SPTLC3: variants seen among roughly 807,000 people sequenced by gnomAD.
SPTLC3 encodes serine palmitoyltransferase 3.
SPTLC3 carries 36 observed loss-of-function variants against 59.3 expected under a neutral mutation model. That is an observed-to-expected ratio of 0.61 (90% CI 0.47 to 0.80). The LOEUF is 0.80. Among genes scored for constraint, SPTLC3 ranks in the 30% least tolerant of loss-of-function variants. The probability of loss-of-function intolerance (pLI) is 0.00; values close to 1 mark genes in which losing one functional copy is unlikely to be tolerated. For synonymous variants in SPTLC3, 257 were observed against 240.8 expected (o/e 1.07, Z -0.62); for missense variants, 625 against 685.1 (o/e 0.91, Z 0.98).
At chr20:13,020,937 T>C (rs542936421) in intron 1 of SPTLC3, among the ~76,000 whole-genome samples, 1 of 152,278 alleles carries the variant, frequency 6.6e-6, no homozygotes, top group East Asian at 1.9e-4. Context: ...ATGATTATTA[T>C]CTATTAACAT....
At chr20:13,009,471 A>G (rs565069959) in intron 1 of SPTLC3, 87 bp downstream of exon 1, 1 of 1,216,502 alleles carries the variant, frequency 8.2e-7, no homozygotes, top group East Asian at 2.3e-5. Flanking sequence ...GTCCTAACTT[A>G]GAGTTCATCT....
At chr20:13,093,702 A>G in intron 6 of SPTLC3, 125 bp downstream of exon 6, 1 of 783,524 alleles carries the variant, frequency 1.3e-6, no homozygotes, top group East Asian at 2.8e-5. Context: ...AATTATGTTT[A>G]TATTCACTCC....
At chr20:13,136,711 A>T (rs554256516) in intron 9 of SPTLC3, among the ~76,000 whole-genome samples, 2 of 147,526 alleles carry the variant, frequency 1.4e-5, no homozygotes, top group African/African-American at 2.5e-5. Context: ...ATATATATTT[A>T]TATATAATAT....
At chr20:13,138,481 C>T (rs1244115987) in intron 9 of SPTLC3, among the ~76,000 whole-genome samples, 1 of 152,290 alleles carries the variant, frequency 6.6e-6, no homozygotes, top group Non-Finnish European at 1.5e-5. Context: ...TAGTCACACA[C>T]ACCCCTAACC....
intron 2 of SPTLC3, among the ~76,000 whole-genome samples, chr20:13,056,348 A>C (rs1214396578): frequency 6.6e-6 from 1 of 152,094 alleles, no homozygotes; most frequent in Non-Finnish European, 1.5e-5. Context: ...GTCCCGTTAG[A>C]GACTTACAGC....
chr20:13,031,599 T>C (rs1267406416), intron 1 of SPTLC3, among the ~76,000 whole-genome samples: 1 of 152,178 alleles, frequency 6.6e-6, no homozygotes, highest in Non-Finnish European at 1.5e-5. Flanking sequence ...AAGGTTCTAT[T>C]TTTGTTCTAT....
chr20:13,050,006 G>A (rs1490988160), intron 2 of SPTLC3: 2 of 152,066 alleles, frequency 1.3e-5, no homozygotes, highest in African/African-American at 4.8e-5. Context: ...ACCAACCTTG[G>A]TAATATGACA....
chr20:13,110,136 T>A lies in SPTLC3; in HGVS notation c.851T>A (p.Leu284Gln). 6.2e-7 allele frequency: 1 copy of A among 1,613,420 alleles called. No homozygotes were observed. The highest frequency in any genetic ancestry group is 8.5e-7 in the Non-Finnish European group (1 of 1,179,668). ...GACACACAAAGCCTAGAGAAGCTCC[T>A]GAGAGATGCTGTCATCTATGGCCAG... is the stretch of plus-strand genomic sequence containing the variant. ...HNNTQSLEKLLRDAVIYGQPR... is the reference protein window; with the variant it reads ...HNNTQSLEKLQRDAVIYGQPR... Residue 284 changes from leucine to glutamine, a missense_variant, in exon 7 of 12, where the codon CTG becomes CAG. Physicochemically the swap from Leu to Gln is moderately radical, Grantham distance 113. Coordinates refer to ENST00000399002, the MANE Select transcript of SPTLC3 (RefSeq NM_018327.4).
chr20:13,077,245 G>A (rs243891), intron 4 of SPTLC3, among the ~76,000 whole-genome samples: 117,225 of 150,528 alleles, frequency 0.78, 46,142 homozygotes, highest in African/African-American at 0.88. Context: ...AAAACTATAA[G>A]TTACTATTAC....
intron 4 of SPTLC3, among the ~76,000 whole-genome samples, chr20:13,088,531 G>A (rs914932844): frequency 7.2e-5 from 11 of 151,918 alleles, no homozygotes. Context: ...CACCGTGTTA[G>A]CCAGGATGGT....
chr20:13,076,638 A>G (rs3848769), intron 4 of SPTLC3, among the ~76,000 whole-genome samples: 41,730 of 151,976 alleles, frequency 0.27, 5,875 homozygotes, highest in Middle Eastern at 0.35. Context: ...AATGTACCTA[A>G]AACAGATTTG....
intron 2 of SPTLC3, chr20:13,049,980 G>C (rs1987410886): frequency 6.6e-6 from 1 of 152,174 alleles, no homozygotes; most frequent in South Asian, 2.1e-4. Flanking sequence ...TTTCCCAAAT[G>C]AGAAGGAACC....
At chr20:13,098,074 C>T (rs534271496) in intron 6 of SPTLC3, among the ~76,000 whole-genome samples, 14 of 152,194 alleles carry the variant, frequency 9.2e-5, no homozygotes, top group East Asian at 1.9e-4. Flanking sequence ...ATATTTAAAG[C>T]GTCGTATAAA....
Position 13,126,667 on chromosome 20 carries a change from A to G in SPTLC3, c.1229A>G (p.Gln410Arg), listed in dbSNP as rs766865071. The G allele has an allele frequency of 6.2e-7, 1 of 1,614,108 alleles. No individual in the cohort carries two copies. The highest frequency in any genetic ancestry group is 2.2e-5 in the East Asian group (1 of 44,872). The change falls in exon 9 of 12, where the codon CAA becomes CGA. Residue 410 changes from glutamine to arginine, a missense_variant. Coordinates refer to ENST00000399002, the MANE Select transcript of SPTLC3 (RefSeq NM_018327.4). ...ASSMSPPIAE[Q>R]IIRSLKLIMG... ...TCCATGAGCCCACCGATAGCAGAGC[A>G]AATCATCAGATCACTAAAACTTATC...
chr20:13,067,497 C>G (rs1273969960), intron 2 of SPTLC3, among the ~76,000 whole-genome samples: 2 of 152,152 alleles, frequency 1.3e-5, no homozygotes, highest in Admixed American at 6.5e-5. Context: ...TTCTGCATTT[C>G]TGATTCATTG....
chr20:13,032,021 A>G (rs539776144), intron 1 of SPTLC3, among the ~76,000 whole-genome samples: 1 of 152,324 alleles, frequency 6.6e-6, no homozygotes, highest in South Asian at 2.1e-4. Context: ...ATAGCATGTA[A>G]GTAAATAAGA....
At chr20:13,047,931 C>T (rs143345418) in intron 1 of SPTLC3, among the ~76,000 whole-genome samples, 1 of 152,032 alleles carries the variant, frequency 6.6e-6, no homozygotes, top group Admixed American at 6.6e-5. Context: ...AATGCTTTGC[C>T]CCTTAATACT....
chr20:13,168,204 G>C lies in SPTLC3; in HGVS notation c.*3337G>C, dbSNP rs1289049239. On this transcript the variant is annotated 3_prime_UTR_variant, in exon 12 of 12. Transcript: ENST00000399002. ...TCTTTTTTTTTTTTTTTTTGAGACA[G>C]AGTTTTGTTCTTCTTGTTGCCCAGG... The C allele has an allele frequency of 1.4e-5, 2 of 145,040 alleles. No individual in the cohort carries two copies. Among genetic ancestry groups the C allele is most frequent in the Non-Finnish European group, 3.0e-5 (2 of 66,484 alleles). The allele number at this position is 145,040 out of a possible 1,614,324, so 9.0% of individuals were successfully genotyped here. A position where few individuals can be genotyped will look rare whatever the true frequency, so the allele number is the denominator to read the frequency against.
intron 1 of SPTLC3, among the ~76,000 whole-genome samples, chr20:13,044,393 C>T (rs535261816): frequency 2.2e-4 from 34 of 152,244 alleles, no homozygotes; most frequent in African/African-American, 7.9e-4. Context: ...TGAGCCACAG[C>T]GCCCAGCTGA....
Sources: allele counts gnomAD v4.1 joint callset (sites outside exome capture counted in the v4.1 genomes callset), GRCh38; gene constraint gnomAD v4.1.1; transcripts MANE v1.5; gene names NCBI Gene and HGNC (gene_info 2026-07-23, HGNC 2026-07-21).